The following EEFSEC variants were observed in gnomAD, a reference collection of about 807,000 sequenced individuals.
EEFSEC encodes the protein selenocysteine-specific elongation factor.
Under a neutral mutation model 42.1 loss-of-function variants are expected in EEFSEC, and 43 were observed. The observed-to-expected ratio is 1.02, with a 90% CI of 0.80 to 1.32. The LOEUF is 1.32. EEFSEC is among the 40% of genes most tolerant of loss of function. The pLI is 0.00. For synonymous variants in EEFSEC, 354 were observed against 339.1 expected (o/e 1.04, Z -0.48); for missense variants, 745 against 803.6 (o/e 0.93, Z 0.88).
intron 6 of EEFSEC, among the ~76,000 whole-genome samples, chr3:128,377,462 G>T (rs563599247): frequency 3.9e-5 from 6 of 152,318 alleles, no homozygotes; most frequent in African/African-American, 1.4e-4. Context: ...ATGTGCCCTA[G>T]GTGGAGATGC....
chr3:128,372,229 T>C (rs1235913417), intron 6 of EEFSEC, among the ~76,000 whole-genome samples: 1 of 152,182 alleles, frequency 6.6e-6, no homozygotes, highest in Non-Finnish European at 1.5e-5. Flanking sequence ...AAAGTCTTGA[T>C]TTAGCAAACC....
chr3:128,319,740 A>G (rs907846407), intron 4 of EEFSEC, among the ~76,000 whole-genome samples: 2 of 152,218 alleles, frequency 1.3e-5, no homozygotes, highest in Non-Finnish European at 2.9e-5. Context: ...TCTGAATGCC[A>G]CACCATGTTC....
intron 5 of EEFSEC, among the ~76,000 whole-genome samples, chr3:128,350,194 C>T (rs915656529): frequency 1.3e-5 from 2 of 152,236 alleles, no homozygotes; most frequent in East Asian, 1.9e-4. Flanking sequence ...CCACTGCTGA[C>T]GGCTTGTTAA....
intron 4 of EEFSEC, among the ~76,000 whole-genome samples, chr3:128,316,971 A>G (rs989483893): frequency 5.3e-5 from 8 of 152,260 alleles, no homozygotes; most frequent in African/African-American, 1.7e-4. Context: ...ACATACAGGA[A>G]TAATTAGTTC....
chr3:128,201,261 C>G (rs1304299157), intron 1 of EEFSEC, among the ~76,000 whole-genome samples: 1 of 152,008 alleles, frequency 6.6e-6, no homozygotes, highest in Non-Finnish European at 1.5e-5. Flanking sequence ...ACACCATGCT[C>G]TCTAATTGCT....
chr3:128,412,109 C>G (rs75322273), downstream of EEFSEC, among the ~76,000 whole-genome samples: 2,904 of 152,322 alleles, frequency 0.019, 74 homozygotes, highest in Non-Finnish European at 0.022. Context: ...CCTCATGTCT[C>G]AGTGTCCCCA....
At chr3:128,392,817 G>A (rs146548736) in intron 6 of EEFSEC, among the ~76,000 whole-genome samples, 12 of 152,360 alleles carry the variant, frequency 7.9e-5, no homozygotes, top group Admixed American at 7.8e-4. Flanking sequence ...GCTGCCCTAG[G>A]CTCGCTGTCT....
chr3:128,272,123 C>T (rs1303160126), intron 4 of EEFSEC, among the ~76,000 whole-genome samples: 5 of 152,194 alleles, frequency 3.3e-5, no homozygotes, highest in East Asian at 3.9e-4. Flanking sequence ...TCTGCCCTGT[C>T]GTGTGTGGGC....
At chr3:128,325,280 T>A (rs1028455316) in intron 4 of EEFSEC, among the ~76,000 whole-genome samples, 3 of 152,250 alleles carry the variant, frequency 2.0e-5, no homozygotes, top group African/African-American at 7.2e-5. Flanking sequence ...TTCCTCACTT[T>A]GCTCCAGATT....
Position 128,408,433 on chromosome 3 carries a change from G to C in EEFSEC, c.*174G>C. Reference sequence around the variant, plus strand: ...GGTGAGGAGCTGAGGGGGATGGGTTGCTGGGGCCAGGAGGGTCTCTCCTCC... The same window carrying C: ...GGTGAGGAGCTGAGGGGGATGGGTTCCTGGGGCCAGGAGGGTCTCTCCTCC... On this transcript the variant is annotated 3_prime_UTR_variant, in exon 7 of 7. Coordinates refer to ENST00000254730, the MANE Select transcript of EEFSEC (RefSeq NM_021937.5). The C allele has an allele frequency of 3.0e-6, 2 of 659,346 alleles. No individual in the cohort carries two copies. The highest frequency in any genetic ancestry group is 2.5e-5 in the South Asian group (1 of 39,582). 40.8% of individuals were successfully genotyped at this position (659,346 alleles called of 1,614,324 possible).
chr3:128,400,659 G>A (rs946878036), intron 6 of EEFSEC, among the ~76,000 whole-genome samples: 2 of 152,234 alleles, frequency 1.3e-5, no homozygotes, highest in African/African-American at 4.8e-5. Flanking sequence ...GTTCCCACTG[G>A]GGCATGCAAG....
At chr3:128,263,856 C>T (rs898742956) in intron 3 of EEFSEC, among the ~76,000 whole-genome samples, 3 of 152,180 alleles carry the variant, frequency 2.0e-5, no homozygotes, top group African/African-American at 4.8e-5. Flanking sequence ...GTGTGGAGTC[C>T]GCAGAGAAGG....
At chr3:128,312,127 G>A (rs1241301325) in intron 4 of EEFSEC, among the ~76,000 whole-genome samples, 1 of 152,236 alleles carries the variant, frequency 6.6e-6, no homozygotes, top group African/African-American at 2.4e-5. Context: ...TCCATGTTGA[G>A]AAGATTCTGA....
chr3:128,415,925 G>T, the EEFSEC span, among the ~76,000 whole-genome samples: 3 of 152,318 alleles, frequency 2.0e-5, no homozygotes, highest in African/African-American at 7.2e-5. Flanking sequence ...GGGAACCTTT[G>T]GGGGGAAGTG....
chr3:128,188,002 G>A (rs555647401), intron 1 of EEFSEC, among the ~76,000 whole-genome samples: 22 of 152,322 alleles, frequency 1.4e-4, no homozygotes, highest in East Asian at 5.8e-4. Flanking sequence ...AGCAGATTAT[G>A]AAGGGCTTTG....
intron 1 of EEFSEC, among the ~76,000 whole-genome samples, chr3:128,233,721 C>T (rs1333180514): frequency 6.6e-6 from 1 of 152,202 alleles, no homozygotes; most frequent in Non-Finnish European, 1.5e-5. Flanking sequence ...CATGCAGGCT[C>T]TTAGACTCTG....
intron 1 of EEFSEC, among the ~76,000 whole-genome samples, chr3:128,246,028 C>G (rs1450743649): frequency 2.0e-5 from 3 of 152,150 alleles, no homozygotes; most frequent in Non-Finnish European, 2.9e-5. Flanking sequence ...TTGTATATTC[C>G]TGCAGTACGA....
intron 1 of EEFSEC, among the ~76,000 whole-genome samples, chr3:128,240,689 C>T (rs868866683): frequency 6.6e-6 from 1 of 152,224 alleles, no homozygotes; most frequent in South Asian, 2.1e-4. Context: ...TCTCCTTGCT[C>T]TCTCTGCAGA....
At chr3:128,211,524 CTT>C (rs1272651525) in intron 1 of EEFSEC, among the ~76,000 whole-genome samples, 1 of 146,550 alleles carries the variant, frequency 6.8e-6, no homozygotes, top group Non-Finnish European at 1.5e-5. Context: ...ACATATACTT[CTT>C]TTTTTTTTTT....
Sources: allele counts gnomAD v4.1 joint callset (sites outside exome capture counted in the v4.1 genomes callset), GRCh38; gene constraint gnomAD v4.1.1; transcripts MANE v1.5; gene names NCBI Gene and HGNC (gene_info 2026-07-23, HGNC 2026-07-21).